PCNX1: variants seen among roughly 807,000 people sequenced by gnomAD.
PCNX1 encodes the protein pecanex-like protein 1.
A neutral mutation model predicts 242.2 loss-of-function variants in PCNX1; 78 were observed. The observed-to-expected ratio is 0.32, with a 90% CI of 0.27 to 0.39. The LOEUF is 0.39. Among genes scored for constraint, PCNX1 ranks in the 10% least tolerant of loss-of-function variants. The probability of loss-of-function intolerance (pLI) is 1.00; values close to 1 mark genes in which losing one functional copy is unlikely to be tolerated. For synonymous variants in PCNX1, 1,024 were observed against 1,032.9 expected (o/e 0.99, Z 0.17); for missense variants, 2,581 against 2,856.5 (o/e 0.90, Z 2.20).
chr14:71,086,278 C>T (rs538846131), intron 28 of PCNX1, among the ~76,000 whole-genome samples: 1 of 152,234 alleles, frequency 6.6e-6, no homozygotes, highest in South Asian at 2.1e-4. Context: ...GTGGGTTAAG[C>T]CTAACATCAA....
intron 8 of PCNX1, among the ~76,000 whole-genome samples, chr14:70,999,841 A>G (rs1488309815): frequency 1.3e-5 from 2 of 152,136 alleles, no homozygotes; most frequent in Non-Finnish European, 2.9e-5. Flanking sequence ...CTTTTATTAG[A>G]GTTAGTCTTG....
chr14:71,008,648 T>C (rs1451039859), intron 8 of PCNX1, among the ~76,000 whole-genome samples: 1 of 100,870 alleles, frequency 9.9e-6, no homozygotes, highest in Non-Finnish European at 1.8e-5. Context: ...AGAGCGAGAC[T>C]CTGTCTCAAA....
chr14:70,996,917 G>C lies in PCNX1; in HGVS notation c.2629+992G>C, dbSNP rs565214046. Among the ~76,000 whole-genome samples, 83 of 152,220 alleles carry C rather than the reference G, an allele frequency of 5.5e-4. 2 individuals carry two copies. Among genetic ancestry groups the C allele is most frequent in the Middle Eastern group, 6.8e-3 (2 of 294 alleles). ...TATTTTGTAAAAATGCTGAGTTGTA[G>C]AGAGGTATTAAGTACGTATGCATAT... On this transcript the variant is annotated intron_variant, in intron 8 of 35. Coordinates refer to ENST00000304743, the MANE Select transcript of PCNX1 (RefSeq NM_014982.3).
At chr14:70,924,258 A>T (rs1271068401) in intron 1 of PCNX1, among the ~76,000 whole-genome samples, 1 of 151,692 alleles carries the variant, frequency 6.6e-6, no homozygotes, top group African/African-American at 2.4e-5. Context: ...AAGAAAAAGA[A>T]AAAACAGAAA....
At chr14:71,025,181 A>T (rs2060206868) in intron 13 of PCNX1, among the ~76,000 whole-genome samples, 1 of 152,164 alleles carries the variant, frequency 6.6e-6, no homozygotes, top group Non-Finnish European at 1.5e-5. Context: ...ATATGTAGGT[A>T]TGTATTGGTG....
At chr14:70,956,236 AG>A (rs1173647861) in intron 2 of PCNX1, among the ~76,000 whole-genome samples, 1 of 152,142 alleles carries the variant, frequency 6.6e-6, no homozygotes, top group Non-Finnish European at 1.5e-5. Context: ...GGTGTAAGGC[AG>A]TATGTTTTCT....
At chr14:70,968,298 T>A in intron 4 of PCNX1, 55 bp downstream of exon 4, 1 of 1,182,182 alleles carries the variant, frequency 8.5e-7, no homozygotes, top group Non-Finnish European at 1.3e-6. Flanking sequence ...ATTTTGGTTG[T>A]AATGAAGATA....
At chr14:70,944,192 C>T (rs1322734721) in intron 1 of PCNX1, among the ~76,000 whole-genome samples, 5 of 152,126 alleles carry the variant, frequency 3.3e-5, no homozygotes, top group Admixed American at 6.5e-5. Context: ...CAACAGCTTG[C>T]ACCATGTGCC....
chr14:71,035,658 C>T (rs995921573), intron 18 of PCNX1, among the ~76,000 whole-genome samples: 4 of 149,126 alleles, frequency 2.7e-5, no homozygotes, highest in African/African-American at 7.4e-5. Flanking sequence ...GTAATCCCAG[C>T]ACTTTGGGAG....
intron 26 of PCNX1, among the ~76,000 whole-genome samples, chr14:71,067,369 A>T (rs781429101): frequency 1.3e-5 from 2 of 150,832 alleles, no homozygotes; most frequent in Non-Finnish European, 3.0e-5. Context: ...AAATTTATCT[A>T]TTTTTTTTCT....
At chr14:71,015,640 T>C (rs2140647433) in intron 11 of PCNX1, among the ~76,000 whole-genome samples, 1 of 152,230 alleles carries the variant, frequency 6.6e-6, no homozygotes, top group South Asian at 2.1e-4. Flanking sequence ...TACAAACATA[T>C]TTTTAAAAAT....
At chr14:71,099,000 AT>A (rs930739720) in intron 30 of PCNX1, among the ~76,000 whole-genome samples, 1 of 152,018 alleles carries the variant, frequency 6.6e-6, no homozygotes, top group African/African-American at 2.4e-5. Context: ...ATTTCAAATA[AT>A]TTTTTTATTT....
chr14:71,099,303 C>T (rs1286763694), intron 30 of PCNX1, among the ~76,000 whole-genome samples: 6 of 151,872 alleles, frequency 4.0e-5, no homozygotes, highest in Middle Eastern at 3.2e-3. Flanking sequence ...GGACTGCAGG[C>T]GCCCGCCACC....
chr14:71,029,811 C>G (rs1034604968), intron 16 of PCNX1, among the ~76,000 whole-genome samples: 7 of 152,282 alleles, frequency 4.6e-5, no homozygotes, highest in Admixed American at 4.6e-4. Context: ...AAGATGACAT[C>G]TAAGGTCATT....
chr14:71,108,537 C>G, intron 33 of PCNX1, 67 bp from the exon 34 acceptor site: 1 of 1,298,192 alleles, frequency 7.7e-7, no homozygotes, highest in African/African-American at 1.5e-5. Context: ...GTCTTAGAAA[C>G]TGCAAAACAG....
At chr14:70,915,174 G>A (rs947846677) in intron 1 of PCNX1, among the ~76,000 whole-genome samples, 7 of 152,042 alleles carry the variant, frequency 4.6e-5, no homozygotes, top group African/African-American at 7.2e-5. Flanking sequence ...ATCCATTCCC[G>A]TGTAGATGAG....
At position 71,105,452 on chromosome 14, in the gene PCNX1, C is replaced by T. The variant is rs187348193; in HGVS notation, c.6301+12C>T. 3 of 1,598,752 alleles carry T rather than the reference C, an allele frequency of 1.9e-6. No individual in the cohort carries two copies. The highest frequency in any genetic ancestry group is 1.7e-4 in the Middle Eastern group (1 of 5,910). On this transcript the variant is annotated intron_variant, in intron 33 of 35. Coordinates refer to ENST00000304743, the MANE Select transcript of PCNX1 (RefSeq NM_014982.3). Reference sequence around the variant, plus strand: ...TCCTCCAACACTAGGTAATGTGAAACAAAGTTATATGTCTAATGTTAGCTT... The same window carrying T: ...TCCTCCAACACTAGGTAATGTGAAATAAAGTTATATGTCTAATGTTAGCTT...
intron 28 of PCNX1, among the ~76,000 whole-genome samples, chr14:71,084,650 G>T (rs1016543879): frequency 6.6e-6 from 1 of 152,142 alleles, no homozygotes; most frequent in African/African-American, 2.4e-5. Context: ...ACACTGTGAG[G>T]GGAAAACCGC....
At chr14:71,069,471 C>T (rs1372307618) in intron 26 of PCNX1, among the ~76,000 whole-genome samples, 1 of 152,130 alleles carries the variant, frequency 6.6e-6, no homozygotes, top group Non-Finnish European at 1.5e-5. Flanking sequence ...TATAATATTG[C>T]ATATGTTTTT....
Sources: gnomAD v4.1 joint callset for allele counts (sites outside exome capture counted in the v4.1 genomes callset) on GRCh38, gnomAD v4.1.1 for gene constraint, MANE v1.5 for transcripts, NCBI Gene and HGNC (gene_info 2026-07-23, HGNC 2026-07-21) for gene names.